DOCK5: variants seen among roughly 807,000 people sequenced by gnomAD.
DOCK5 encodes dedicator of cytokinesis protein 5.
DOCK5 carries 142 observed loss-of-function variants against 251.8 expected under a neutral mutation model. The observed-to-expected ratio is 0.56, with a 90% CI of 0.49 to 0.65. The LOEUF (loss-of-function observed/expected upper bound fraction) is 0.65. Among genes scored for constraint, DOCK5 ranks in the 30% least tolerant of loss-of-function variants. DOCK5 has a pLI of 0.00. For missense variants in DOCK5, 2,111 were observed against 2,312.3 expected (o/e 0.91, Z 1.79); for synonymous variants, 842 against 835.5 (o/e 1.01, Z -0.13).
rs747379967 is a variant in DOCK5, at chr8:25,392,924, T to A, written c.4527+42T>A. Reference sequence around the variant, plus strand: ...TGGCATTTAGAAAAAAACTTTCTGTTTCCAAATATAATAACAGCCTTTGTT... The same window carrying A: ...TGGCATTTAGAAAAAAACTTTCTGTATCCAAATATAATAACAGCCTTTGTT... On this transcript the variant is annotated intron_variant, in intron 44 of 51. Transcript: ENST00000276440. 5 of 1,502,672 alleles carry A rather than the reference T, an allele frequency of 3.3e-6. No individual in the cohort carries two copies. In the East Asian group the frequency reaches 1.2e-4, roughly 35 times the overall value. 93.1% of individuals were successfully genotyped at this position (1,502,672 alleles called of 1,614,324 possible). A position where few individuals can be genotyped will look rare whatever the true frequency, so the allele number is the denominator to read the frequency against.
In DOCK5 at chr8:25,363,153, C is replaced by T. The variant is rs1013714680; in HGVS notation, c.3044+12C>T. The T allele has an allele frequency of 6.2e-7, 1 of 1,610,824 alleles. No homozygotes were observed. Among genetic ancestry groups the T allele is most frequent in the African/African-American group, 1.3e-5 (1 of 74,988 alleles). On this transcript the variant is annotated intron_variant, in intron 29 of 51. Transcript: ENST00000276440. ...ATGACTCAAAACAGGTGAGACAGCC[C>T]ATGGCTGGCCCTGAGGCATTTGTCT...
chr8:25,261,131 T>C (rs1370335464), intron 2 of DOCK5, among the ~76,000 whole-genome samples: 1 of 152,184 alleles, frequency 6.6e-6, no homozygotes, highest in Non-Finnish European at 1.5e-5. Context: ...GAGTTGGCCT[T>C]TCCCAGGTTA....
In DOCK5 at chr8:25,233,497, A is replaced by G. The variant is rs143257480; in HGVS notation, c.44-10177A>G. Among the ~76,000 whole-genome samples the G allele has an allele frequency of 2.6e-3, 393 of 152,298 alleles. 3 individuals are homozygous for G. Among genetic ancestry groups the G allele is most frequent in the African/African-American group, 9.0e-3 (372 of 41,564 alleles). ...TTGATGCTGAAAGATCTTGGTTCCAAAGACATGACCAATAGTTGCTCGTTG... is the reference window on the plus strand; with the variant it reads ...TTGATGCTGAAAGATCTTGGTTCCAGAGACATGACCAATAGTTGCTCGTTG... On this transcript the variant is annotated intron_variant, in intron 1 of 51. Coordinates refer to ENST00000276440, the MANE Select transcript of DOCK5 (RefSeq NM_024940.8).
chr8:25,350,210 T>G (rs879130416), intron 26 of DOCK5, among the ~76,000 whole-genome samples: 3 of 152,178 alleles, frequency 2.0e-5, no homozygotes, highest in African/African-American at 7.2e-5. Flanking sequence ...TCTTTGCCAG[T>G]TAAATTTGTA....
chr8:25,409,508 A>G (rs1801579778), intron 50 of DOCK5: 1 of 156,248 alleles, frequency 6.4e-6, no homozygotes, highest in East Asian at 1.9e-4. Context: ...AATACCATAC[A>G]TTCCAGAAAA....
At chr8:25,292,715 G>A (rs1235407109) in intron 6 of DOCK5, among the ~76,000 whole-genome samples, 1 of 152,176 alleles carries the variant, frequency 6.6e-6, no homozygotes, top group Non-Finnish European at 1.5e-5. Context: ...TCCAGCCTGG[G>A]CAACAGAGTG....
In DOCK5 at chr8:25,188,980, C is replaced by A. The variant is rs149309307; in HGVS notation, c.43+4029C>A. Among the ~76,000 whole-genome samples, 110 of 151,824 alleles carry A rather than the reference C, an allele frequency of 7.2e-4. 1 individual carries two copies. Among genetic ancestry groups the A allele is most frequent in the East Asian group, 2.1e-3 (11 of 5,172 alleles). On this transcript the variant is annotated intron_variant, in intron 1 of 51. Transcript: ENST00000276440. ...ACACAAGCCATTATGTAAAGAATAG[C>A]CCCAGATTAGGTTGACTATGGATTC...
intron 1 of DOCK5, among the ~76,000 whole-genome samples, chr8:25,191,763 T>G (rs552653895): frequency 7.2e-6 from 1 of 138,146 alleles, no homozygotes; most frequent in Admixed American, 7.4e-5. Context: ...ATCTTTTTTT[T>G]AAAATTATAT....
intron 17 of DOCK5, among the ~76,000 whole-genome samples, chr8:25,324,347 C>T (rs1056176168): frequency 6.6e-6 from 1 of 152,182 alleles, no homozygotes; most frequent in African/African-American, 2.4e-5. Context: ...TTCCCATCAC[C>T]ATGAGCCACA....
At chr8:25,410,537 C>T (rs1563235768) in intron 51 of DOCK5, among the ~76,000 whole-genome samples, 1 of 152,082 alleles carries the variant, frequency 6.6e-6, no homozygotes. Flanking sequence ...TCATAGCTCA[C>T]TGCAGCCTCA....
chr8:25,373,299 G>A (rs955878964), intron 35 of DOCK5, among the ~76,000 whole-genome samples: 2 of 152,098 alleles, frequency 1.3e-5, no homozygotes, highest in South Asian at 2.1e-4. Context: ...CACCCGGCTG[G>A]ATAGGTTATT....
At chr8:25,193,162 C>G (rs1801629300) in intron 1 of DOCK5, among the ~76,000 whole-genome samples, 2 of 152,122 alleles carry the variant, frequency 1.3e-5, no homozygotes, top group Non-Finnish European at 2.9e-5. Context: ...CCCGTTGCTC[C>G]TAGGGGAGAG....
Position 25,346,685 on chromosome 8 carries a change from G to A in DOCK5, c.2754+1074G>A, listed in dbSNP as rs1380777927. On this transcript the variant is annotated intron_variant, in intron 26 of 51. Coordinates refer to ENST00000276440, the MANE Select transcript of DOCK5 (RefSeq NM_024940.8). ...CTAAAAATACCAAAATTAGCTGGGC[G>A]TGGTGGCACGCGCCTATAGTCCCAG... Among the ~76,000 whole-genome samples the A allele has an allele frequency of 2.7e-5, 3 of 111,430 alleles. 1 individual carries two copies. The highest frequency in any genetic ancestry group is 3.8e-5 in the Non-Finnish European group (2 of 52,314). The allele number at this position is 111,430 out of a possible 152,430, so 73.1% of individuals were successfully genotyped here.
At chr8:25,233,072 G>A (rs892089359) in intron 1 of DOCK5, among the ~76,000 whole-genome samples, 12 of 152,020 alleles carry the variant, frequency 7.9e-5, no homozygotes, top group African/African-American at 2.2e-4. Context: ...TCTCTGCCCT[G>A]CACATTCTAG....
chr8:25,273,266 C>T (rs1803959890), intron 3 of DOCK5, among the ~76,000 whole-genome samples: 1 of 152,110 alleles, frequency 6.6e-6, no homozygotes, highest in East Asian at 1.9e-4. Context: ...TGCTGCATGC[C>T]TGGCACTGCA....
intron 1 of DOCK5, among the ~76,000 whole-genome samples, chr8:25,191,884 A>G (rs1801590889): frequency 1.3e-5 from 2 of 151,530 alleles, no homozygotes; most frequent in East Asian, 1.9e-4. Flanking sequence ...CGTCATTTAC[A>G]TTAGTTATAT....
intron 1 of DOCK5, among the ~76,000 whole-genome samples, chr8:25,226,968 A>G (rs771828104): frequency 6.6e-6 from 1 of 152,128 alleles, no homozygotes; most frequent in Admixed American, 6.5e-5. Context: ...AAAGGTGACT[A>G]ATTATCTGTG....
At chr8:25,285,624 C>T (rs1326975208) in intron 5 of DOCK5, among the ~76,000 whole-genome samples, 1 of 152,124 alleles carries the variant, frequency 6.6e-6, no homozygotes, top group African/African-American at 2.4e-5. Context: ...TACTGAATGG[C>T]CCTTTCTTCC....
intron 27 of DOCK5, among the ~76,000 whole-genome samples, chr8:25,355,177 T>A (rs1800545532): frequency 1.3e-5 from 2 of 152,198 alleles, no homozygotes; most frequent in South Asian, 4.2e-4. Context: ...GAGGCTGCAG[T>A]GAGCTGTGAA....
Sources: allele counts gnomAD v4.1 joint callset (sites outside exome capture counted in the v4.1 genomes callset), GRCh38; gene constraint gnomAD v4.1.1; transcripts MANE v1.5; gene names NCBI Gene and HGNC (gene_info 2026-07-23, HGNC 2026-07-21).